The following LGALS12 variants were observed in gnomAD, a reference collection of about 807,000 sequenced individuals.
LGALS12 encodes the protein galectin 12, also known as galectin-12.
LGALS12 carries 36 observed loss-of-function variants against 36.8 expected under a neutral mutation model. That is an observed-to-expected ratio of 0.98 (90% CI 0.75 to 1.29). LGALS12 has a LOEUF of 1.29. Ranked by LOEUF, LGALS12 falls within the 50% of genes most tolerant of loss-of-function variation. The pLI, the probability that LGALS12 is intolerant of heterozygous loss-of-function variation, is 0.00. For synonymous variants in LGALS12, 145 were observed against 155.9 expected (o/e 0.93, Z 0.52); for missense variants, 366 against 394.3 (o/e 0.93, Z 0.61).
At position 63,509,766 on chromosome 11, in the gene LGALS12, C is replaced by A; in HGVS notation, c.373-12C>A. ...TAGCTGCTGATAAGCCAGCCTCTGT[C>A]TGTCTCTCCAGGTGAGTGTGAATGG... On this transcript the variant is annotated splice_polypyrimidine_tract_variant and intron_variant, in intron 3 of 8. Coordinates refer to ENST00000394618, the MANE Select transcript of LGALS12 (RefSeq NM_033101.4). The A allele has an allele frequency of 6.2e-7, 1 of 1,613,554 alleles. No homozygotes were observed. Among genetic ancestry groups the A allele is most frequent in the Admixed American group, 1.7e-5 (1 of 59,932 alleles).
chr11:63,507,894 C>T, intron 1 of LGALS12: 2 of 280,664 alleles, frequency 7.1e-6, no homozygotes, highest in Non-Finnish European at 1.1e-5. Context: ...CATGCCACCA[C>T]ACCCAGCTAA....
At chr11:63,510,885 C>T (rs546259719) in intron 5 of LGALS12, among the ~76,000 whole-genome samples, 194 bp from the exon 6 acceptor site, 1 of 152,230 alleles carries the variant, frequency 6.6e-6, no homozygotes, top group East Asian at 1.9e-4. Context: ...AAATCCTCCA[C>T]CCCGTTCTTC....
In LGALS12 at chr11:63,509,894, C is replaced by G; in HGVS notation, c.489C>G (p.Ile163Met). 6.2e-7 allele frequency: 1 copy of G among 1,613,832 alleles called. No individual in the cohort carries two copies. Among genetic ancestry groups the G allele is most frequent in the Non-Finnish European group, 8.5e-7 (1 of 1,179,902 alleles). Residue 163 changes from isoleucine to methionine, a missense_variant, in exon 4 of 9, where the codon ATC (isoleucine) becomes ATG (methionine). By Grantham distance (10) the Ile-to-Met change is conservative. Transcript: ENST00000394618. ...TAGAGGCTGTTGGATTCCTGAACAT[C>G]AATGTAAGTTTCCTTGGGACCAAGG... The part of the protein sequence containing the change: ...ILVEAVGFLN[I>M]NPFVEGSREY...
Position 63,511,813 on chromosome 11 carries a change from G to A in LGALS12, c.620G>A (p.Arg207Gln), listed in dbSNP as rs200655065. The change falls in exon 7 of 9, where the codon CGG becomes CAG. Residue 207 changes from arginine (R) to glutamine (Q), a missense_variant. Arg to Gln is a conservative substitution (Grantham distance 43). Coordinates refer to ENST00000394618, the MANE Select transcript of LGALS12 (RefSeq NM_033101.4). ...GLSPGQVIIV[R>Q]GLVLQEPKHF... ...TCGCCTGGGCAGGTCATCATAGTAC[G>A]GGGACTGGTCTTGCAAGAGCCGAAG... 1.0e-4 allele frequency: 165 copies of A among 1,613,300 alleles called. No individual in the cohort carries two copies. Among genetic ancestry groups the A allele is most frequent in the East Asian group, 8.9e-4 (40 of 44,894 alleles).
intron 7 of LGALS12, among the ~76,000 whole-genome samples, chr11:63,513,133 G>A (rs572047285): frequency 1.2e-4 from 19 of 152,338 alleles, no homozygotes; most frequent in African/African-American, 4.3e-4. Context: ...AAACAGTGCG[G>A]TCGTGGGCCA....
chr11:63,515,395 C>T (rs778327324), intron 7 of LGALS12, among the ~76,000 whole-genome samples, 168 bp from the exon 8 acceptor site: 1 of 152,240 alleles, frequency 6.6e-6, no homozygotes, highest in Non-Finnish European at 1.5e-5. Flanking sequence ...TTCCACTGTT[C>T]TGAGCATTCA....
At chr11:63,509,705 C>T (rs2016856560) in intron 3 of LGALS12, 73 bp from the exon 4 acceptor site, 2 of 1,544,666 alleles carry the variant, frequency 1.3e-6, no homozygotes, top group Admixed American at 1.8e-5. Context: ...AAGTGCTTGG[C>T]AATGCCTGGG....
At chr11:63,510,042 A>C in intron 4 of LGALS12, 145 bp downstream of exon 4, 2 of 1,043,850 alleles carry the variant, frequency 1.9e-6, no homozygotes, top group Non-Finnish European at 1.4e-6. Context: ...GAGGGAGTCC[A>C]CTGAGGTTTC....
chr11:63,516,133 TG>T, intron 8 of LGALS12, 113 bp from the exon 9 acceptor site: 1 of 1,347,306 alleles, frequency 7.4e-7, no homozygotes, highest in South Asian at 1.4e-5. Flanking sequence ...GGGTGCCCCC[TG>T]GGTCCAGTCT....
Position 63,508,569 on chromosome 11 carries a change from C to T in LGALS12, c.86C>T (p.Thr29Met), listed in dbSNP as rs144263194. 5.1e-5 allele frequency: 82 copies of T among 1,614,130 alleles called. No individual in the cohort carries two copies. The African/African-American group carries it at 8.1e-4, about 16-fold the overall frequency. The part of the protein sequence containing the change: ...PVFHPVVPYV[T>M]TIFGGLHAGK... ...CTTGTTCAGGTGGTTCCTTATGTCA[C>T]GACGATTTTTGGAGGCCTGCATGCA... The change falls in exon 2 of 9, where the codon ACG becomes ATG. Residue 29 changes from threonine to methionine, a missense_variant. Physicochemically the swap from Thr to Met is moderately conservative, Grantham distance 81. Coordinates refer to ENST00000394618, the MANE Select transcript of LGALS12 (RefSeq NM_033101.4).
At position 63,516,438 on chromosome 11, in the gene LGALS12, C is replaced by G; in HGVS notation, c.*45C>G. The G allele has an allele frequency of 1.2e-6, 2 of 1,609,246 alleles. No homozygotes were observed. The highest frequency in any genetic ancestry group is 2.2e-5 in the East Asian group (1 of 44,866). ...CCGCCAGAAAACAAGAAGGTCAGCCCACTCCCAGGGCCCCACTCTCCTCCC... is the reference window on the plus strand; with the variant it reads ...CCGCCAGAAAACAAGAAGGTCAGCCGACTCCCAGGGCCCCACTCTCCTCCC... On this transcript the variant is annotated 3_prime_UTR_variant, in exon 9 of 9. Transcript: ENST00000394618.
At chr11:63,511,187 T>C in intron 6 of LGALS12, 82 bp downstream of exon 6, 1 of 1,309,526 alleles carries the variant, frequency 7.6e-7, no homozygotes, top group South Asian at 1.2e-5. Flanking sequence ...TGGTAGGACA[T>C]GCCCCCAGCC....
chr11:63,508,442 T>C (rs2016807004), intron 1 of LGALS12, 111 bp from the exon 2 acceptor site: 2 of 1,496,092 alleles, frequency 1.3e-6, no homozygotes, highest in Non-Finnish European at 1.8e-6. Flanking sequence ...ATTTTCTGTT[T>C]GGAGAGGAAA....
In LGALS12 at chr11:63,515,676, C is replaced by G. The variant is rs773192665; in HGVS notation, c.761C>G (p.Ser254Ter). ...ISRWGQKKLI[S>*]APFLFYPQRF... ...CGCTGGGGGCAGAAGAAACTGATCT[C>G]AGCCCCCTTCCTCTTTTACCCCCAG... is the stretch of plus-strand genomic sequence containing the variant. The change falls in exon 8 of 9, where the codon TCA becomes TGA. Residue 254 changes from serine to a stop codon, truncating the protein, a stop_gained. Transcript: ENST00000394618. LOFTEE classifies it high-confidence loss of function. The G allele has an allele frequency of 6.2e-7, 1 of 1,614,134 alleles. No homozygotes were observed. Among genetic ancestry groups the G allele is most frequent in the Non-Finnish European group, 8.5e-7 (1 of 1,180,044 alleles).
rs1382686409 is a variant in LGALS12, at chr11:63,506,295, C to T, written c.-164C>T. On this transcript the variant is annotated 5_prime_UTR_variant, in exon 1 of 9. Transcript: ENST00000394618. ...AGCCTGGAGGTCGCCCGCTGCCCTC[C>T]TAGGGCTGCTCCAGACAGCATTAAA... The T allele has an allele frequency of 6.9e-6, 10 of 1,443,322 alleles. No homozygotes were observed. The highest frequency in any genetic ancestry group is 2.8e-5 in the African/African-American group (2 of 70,396). The allele number at this position is 1,443,322 out of a possible 1,614,324, so 89.4% of individuals were successfully genotyped here.
chr11:63,514,520 G>A (rs890229735), intron 7 of LGALS12, among the ~76,000 whole-genome samples: 6 of 152,146 alleles, frequency 3.9e-5, no homozygotes, highest in African/African-American at 4.8e-5. Flanking sequence ...GCAGTGAGCC[G>A]AGATCGTGCC....
rs577461851 is a variant in LGALS12, at chr11:63,511,674, C to G, written c.559-78C>G. ...GGCAGAACATGCCTGCCCCAGTGCT[C>G]CCCTGGCCCCCGGGGATGGGCGGTC... On this transcript the variant is annotated intron_variant, in intron 6 of 8. Coordinates refer to ENST00000394618, the MANE Select transcript of LGALS12 (RefSeq NM_033101.4). The G allele has an allele frequency of 9.3e-5, 95 of 1,027,022 alleles. No individual in the cohort carries two copies. The African/African-American group carries it at 1.4e-3, about 15-fold the overall frequency. 63.6% of individuals were successfully genotyped at this position (1,027,022 alleles called of 1,614,324 possible).
Position 63,511,686 on chromosome 11 carries a change from G to A in LGALS12, c.559-66G>A, listed in dbSNP as rs887251031. On this transcript the variant is annotated intron_variant, in intron 6 of 8. Coordinates refer to ENST00000394618, the MANE Select transcript of LGALS12 (RefSeq NM_033101.4). ...CTGCCCCAGTGCTCCCCTGGCCCCC[G>A]GGGATGGGCGGTCCTCCCCAGTCCC... 74 of 1,189,946 alleles carry A rather than the reference G, an allele frequency of 6.2e-5. 1 individual carries two copies. The South Asian group carries it at 7.1e-4, about 11-fold the overall frequency. 73.7% of individuals were successfully genotyped at this position (1,189,946 alleles called of 1,614,324 possible). A position where few individuals can be genotyped will look rare whatever the true frequency, so the allele number is the denominator to read the frequency against.
chr11:63,509,798 C>A lies in LGALS12; in HGVS notation c.393C>A (p.His131Gln). 1 of 1,614,188 alleles carries A rather than the reference C, an allele frequency of 6.2e-7. No individual in the cohort carries two copies. The highest frequency in any genetic ancestry group is 8.5e-7 in the Non-Finnish European group (1 of 1,179,996). Residue 131 changes from histidine (H) to glutamine (Q), a missense_variant, in exon 4 of 9, where the codon CAC becomes CAA. Coordinates refer to ENST00000394618, the MANE Select transcript of LGALS12 (RefSeq NM_033101.4). ...EEVKVSVNGQ[H>Q]FLHFRYRLPL... ...TCCAGGTGAGTGTGAATGGACAGCA[C>A]TTTCTCCACTTCCGCTACCGGCTCC...
Sources: gnomAD v4.1 joint callset for allele counts (sites outside exome capture counted in the v4.1 genomes callset) on GRCh38, gnomAD v4.1.1 for gene constraint, MANE v1.5 for transcripts, NCBI Gene and HGNC (gene_info 2026-07-23, HGNC 2026-07-21) for gene names.